TMEM100: variants seen among roughly 807,000 people sequenced by gnomAD.
The protein encoded by TMEM100 is transmembrane protein 100.
For missense variants in TMEM100, 137 were observed against 168.2 expected (o/e 0.81, Z 1.02); for synonymous variants, 61 against 67.1 (o/e 0.91, Z 0.44).
At chr17:55,728,535 C>G (rs1381871087) in intron 1 of TMEM100, among the ~76,000 whole-genome samples, 1 of 152,170 alleles carries the variant, frequency 6.6e-6, no homozygotes, top group African/African-American at 2.4e-5. Flanking sequence ...GCAGTCAGGC[C>G]ACTTCAAAAG....
chr17:55,730,874 G>T (rs1365502), intron 1 of TMEM100, among the ~76,000 whole-genome samples: 8,800 of 152,204 alleles, frequency 0.058, 617 homozygotes, highest in East Asian at 0.27. Flanking sequence ...TTTTGTAAAG[G>T]AGACAGAACT....
chr17:55,730,268 C>A lies in TMEM100; in HGVS notation c.-359+1403G>T, dbSNP rs75805741. Among the ~76,000 whole-genome samples the A allele has an allele frequency of 2.7e-3, 410 of 152,016 alleles. 1 individual carries two copies. Among genetic ancestry groups the A allele is most frequent in the Middle Eastern group, 0.01 (3 of 292 alleles). ...TAAAATAATGACTCTACATTGAAAT[C>A]GGATGTAAATTTAAAACTTAGATAA... On this transcript the variant is annotated intron_variant, in intron 1 of 3. Coordinates refer to the TMEM100 transcript ENST00000575734.
intron 1 of TMEM100, among the ~76,000 whole-genome samples, chr17:55,730,594 G>GA (rs199835786): frequency 1.5e-4 from 23 of 150,544 alleles, no homozygotes; most frequent in African/African-American, 4.6e-4. Context: ...TGCTTCACCA[G>GA]AAAAAAAAAT....
Sources: allele counts gnomAD v4.1 joint callset (sites outside exome capture counted in the v4.1 genomes callset), GRCh38; gene constraint gnomAD v4.1.1; transcripts MANE v1.5; gene names NCBI Gene and HGNC (gene_info 2026-07-23, HGNC 2026-07-21).